SNX8: variants seen among roughly 807,000 people sequenced by gnomAD.
The protein encoded by SNX8 is sorting nexin 8.
Under a neutral mutation model 51.6 loss-of-function variants are expected in SNX8, and 25 were observed. The observed-to-expected ratio is 0.48, with a 90% CI of 0.35 to 0.68. The LOEUF (loss-of-function observed/expected upper bound fraction) is 0.68, where lower values mean the gene tolerates loss of function less well. Among genes scored for constraint, SNX8 ranks in the 30% least tolerant of loss-of-function variants. The pLI, the probability that SNX8 is intolerant of heterozygous loss-of-function variation, is 0.00. For missense variants in SNX8, 695 were observed against 624.0 expected, an observed-to-expected ratio of 1.11 and a Z score of -1.21; for synonymous variants, 324 against 277.0, an observed-to-expected ratio of 1.17 and a Z score of -1.68.
In SNX8 at chr7:2,309,908, C is replaced by A. The variant is rs944585699; in HGVS notation, c.94+4420G>T. ...GCTCGGGGCAGGGGTGAAGGAGCCCCGAGGGTCAGCAAAGGCCCTGGACCT... is the reference window on the plus strand; with the variant it reads ...GCTCGGGGCAGGGGTGAAGGAGCCCAGAGGGTCAGCAAAGGCCCTGGACCT... On this transcript the variant is annotated intron_variant, in intron 1 of 10. Transcript: ENST00000222990. 6 of 469,840 alleles carry A rather than the reference C, an allele frequency of 1.3e-5. No homozygotes were observed. In the East Asian group the frequency reaches 3.5e-4, roughly 27 times the overall value. 29.1% of individuals were successfully genotyped at this position (469,840 alleles called of 1,614,324 possible). A position where few individuals can be genotyped will look rare whatever the true frequency, so the allele number is the denominator to read the frequency against.
chr7:2,276,399 C>T (rs1795781049), intron 2 of SNX8, among the ~76,000 whole-genome samples: 1 of 152,212 alleles, frequency 6.6e-6, no homozygotes, highest in Admixed American at 6.5e-5. Flanking sequence ...CCCCTCTGAC[C>T]CGCTTTGTCC....
At chr7:2,296,978 G>T (rs1165656596) in intron 1 of SNX8, among the ~76,000 whole-genome samples, 1 of 151,834 alleles carries the variant, frequency 6.6e-6, no homozygotes, top group Non-Finnish European at 1.5e-5. Flanking sequence ...TATGCAAAAT[G>T]CTCAAAATCA....
chr7:2,306,272 C>A (rs867015848), intron 1 of SNX8, among the ~76,000 whole-genome samples: 1 of 152,064 alleles, frequency 6.6e-6, no homozygotes, highest in South Asian at 2.1e-4. Context: ...GGATTACAGG[C>A]GCATGCCACC....
chr7:2,283,951 A>G lies in SNX8; in HGVS notation c.95-5646T>C, dbSNP rs530629754. Reference sequence around the variant, plus strand: ...GCTGGGATTACAGGCATGTGCCACCATACCTGGCTAATTTTGCATTTTTAG... The same window carrying G: ...GCTGGGATTACAGGCATGTGCCACCGTACCTGGCTAATTTTGCATTTTTAG... On this transcript the variant is annotated intron_variant, in intron 1 of 10. Coordinates refer to ENST00000222990, the MANE Select transcript of SNX8 (RefSeq NM_013321.4). Among the ~76,000 whole-genome samples, 703 of 152,228 alleles carry G rather than the reference A, an allele frequency of 4.6e-3. 6 individuals carry two copies. The highest frequency in any genetic ancestry group is 0.017 in the African/African-American group (688 of 41,548).
chr7:2,284,487 C>T (rs569464628), intron 1 of SNX8, among the ~76,000 whole-genome samples: 63 of 144,870 alleles, frequency 4.3e-4, no homozygotes, highest in Non-Finnish European at 7.9e-4. Flanking sequence ...CTGCAATCTC[C>T]GCCTCCCGGG....
intron 1 of SNX8, among the ~76,000 whole-genome samples, chr7:2,320,969 A>G (rs10950654): frequency 0.29 from 44,683 of 151,984 alleles, 6,763 homozygotes; most frequent in Middle Eastern, 0.47. Flanking sequence ...GCAGTGAGCC[A>G]AGATCGCGCC....
At chr7:2,342,395 T>A (rs1778947708) in intron 1 of SNX8, among the ~76,000 whole-genome samples, 1 of 152,086 alleles carries the variant, frequency 6.6e-6, no homozygotes, top group Non-Finnish European at 1.5e-5. Flanking sequence ...GGCTCACGCC[T>A]GTAATCCCAG....
chr7:2,326,821 AG>A (rs1435233105), intron 1 of SNX8, among the ~76,000 whole-genome samples: 1 of 152,058 alleles, frequency 6.6e-6, no homozygotes, highest in African/African-American at 2.4e-5. Context: ...AAGTATCGCC[AG>A]GGGCTGGGCA....
chr7:2,259,533 C>T (rs1795286435), intron 7 of SNX8, among the ~76,000 whole-genome samples: 1 of 152,158 alleles, frequency 6.6e-6, no homozygotes, highest in African/African-American at 2.4e-5. Context: ...GGGGTGCCGC[C>T]CAGGCCCTGC....
intron 1 of SNX8, among the ~76,000 whole-genome samples, chr7:2,335,756 C>G (rs1260090304): frequency 6.9e-6 from 1 of 144,902 alleles, no homozygotes; most frequent in Non-Finnish European, 1.5e-5. Flanking sequence ...TGAGCCGAGA[C>G]CGCGGCACTG....
At chr7:2,257,834 G>A (rs554120847) in intron 7 of SNX8, 31 bp from the exon 8 acceptor site, 1 of 1,603,176 alleles carries the variant, frequency 6.2e-7, no homozygotes, top group South Asian at 1.1e-5. Context: ...CACCCACGCG[G>A]ACGCACATAG....
intron 1 of SNX8, among the ~76,000 whole-genome samples, chr7:2,329,324 T>A (rs1024115060): frequency 3.2e-4 from 48 of 151,434 alleles, no homozygotes; most frequent in African/African-American, 9.9e-4. Flanking sequence ...AAATAAAATT[T>A]AAAAAAAAGG....
chr7:2,313,719 G>A (rs1296509478), intron 1 of SNX8, among the ~76,000 whole-genome samples: 1 of 151,380 alleles, frequency 6.6e-6, no homozygotes, highest in Non-Finnish European at 1.5e-5. Flanking sequence ...AAAAATTACC[G>A]GGCGTAACTG....
chr7:2,314,579 C>G (rs1055995619), upstream of SNX8: 15 of 716,488 alleles, frequency 2.1e-5, no homozygotes, highest in African/African-American at 2.7e-4. Flanking sequence ...GCTCCTCGCC[C>G]GGCCTCGCCA....
intron 1 of SNX8, among the ~76,000 whole-genome samples, chr7:2,279,981 T>C (rs534185197): frequency 6.6e-6 from 1 of 152,262 alleles, no homozygotes; most frequent in South Asian, 2.1e-4. Flanking sequence ...ATCTTCTAAA[T>C]GCCCCAGTGT....
At chr7:2,293,774 C>T (rs1214438349) in intron 1 of SNX8, among the ~76,000 whole-genome samples, 1 of 149,164 alleles carries the variant, frequency 6.7e-6, no homozygotes, top group Non-Finnish European at 1.5e-5. Flanking sequence ...ACCTGCCTGG[C>T]CAACATGGTG....
At chr7:2,255,558 G>C (rs968028307) in intron 10 of SNX8, among the ~76,000 whole-genome samples, 1 of 152,160 alleles carries the variant, frequency 6.6e-6, no homozygotes, top group Admixed American at 6.5e-5. Context: ...GGCAACACAC[G>C]GACACCCTGT....
At chr7:2,269,721 G>C (rs1225964189) in intron 4 of SNX8, 82 bp from the exon 5 acceptor site, 2 of 829,918 alleles carry the variant, frequency 2.4e-6, no homozygotes, top group Non-Finnish European at 1.9e-6. Context: ...CTGTGGAGCG[G>C]GAGGTCGTCT....
chr7:2,270,733 C>G (rs1741787599), intron 4 of SNX8, among the ~76,000 whole-genome samples: 1 of 152,170 alleles, frequency 6.6e-6, no homozygotes, highest in Non-Finnish European at 1.5e-5. Flanking sequence ...ATCTCAGGCA[C>G]AGGGGGAAGG....
Sources: gnomAD v4.1 joint callset for allele counts (sites outside exome capture counted in the v4.1 genomes callset) on GRCh38, gnomAD v4.1.1 for gene constraint, MANE v1.5 for transcripts, NCBI Gene and HGNC (gene_info 2026-07-23, HGNC 2026-07-21) for gene names.